Variants in CERS6 observed in about 807,000 individuals in gnomAD.
The protein encoded by CERS6 is ceramide synthase 6, also known as LAG1 homolog, ceramide synthase 6.
A neutral mutation model predicts 56.8 loss-of-function variants in CERS6; 26 were observed. That is an observed-to-expected ratio of 0.46 (90% CI 0.34 to 0.63). The LOEUF is 0.63. CERS6 is among the 30% of genes least tolerant of loss of function. The pLI is 0.01. For synonymous variants in CERS6, 164 were observed against 173.3 expected (o/e 0.95, Z 0.42); for missense variants, 415 against 467.5 (o/e 0.89, Z 1.04).
At chr2:168,698,342 T>C (rs1479172581) in intron 6 of CERS6, among the ~76,000 whole-genome samples, 1 of 150,418 alleles carries the variant, frequency 6.6e-6, no homozygotes, top group Non-Finnish European at 1.5e-5. Context: ...CACGGTTCCA[T>C]AGGCTGTGCA....
intron 1 of CERS6, among the ~76,000 whole-genome samples, chr2:168,529,510 T>C (rs1375647398): frequency 6.6e-6 from 1 of 152,174 alleles, no homozygotes; most frequent in Non-Finnish European, 1.5e-5. Flanking sequence ...TGACCAAATT[T>C]TGTGGGTTTT....
At chr2:168,616,850 A>G (rs1352082652) in intron 3 of CERS6, among the ~76,000 whole-genome samples, 2 of 152,282 alleles carry the variant, frequency 1.3e-5, no homozygotes, top group East Asian at 1.9e-4. Context: ...CAACAAAGAA[A>G]CAATGTATTT....
chr2:168,730,328 G>GA (rs990997368), intron 8 of CERS6, among the ~76,000 whole-genome samples: 5 of 152,186 alleles, frequency 3.3e-5, no homozygotes, highest in Non-Finnish European at 7.4e-5. Context: ...TGTATTTAAA[G>GA]AAAATCACAA....
intron 3 of CERS6, among the ~76,000 whole-genome samples, chr2:168,609,126 G>A (rs1390753962): frequency 6.6e-6 from 1 of 152,176 alleles, no homozygotes; most frequent in Non-Finnish European, 1.5e-5. Flanking sequence ...GCATCAGTAG[G>A]GAGAGGTTAT....
At chr2:168,492,220 A>AT (rs1463332767) in intron 1 of CERS6, among the ~76,000 whole-genome samples, 5 of 152,176 alleles carry the variant, frequency 3.3e-5, no homozygotes, top group African/African-American at 1.2e-4. Flanking sequence ...GGCTGAACTA[A>AT]TTTACATTCC....
At chr2:168,541,935 G>A (rs996795026) in intron 1 of CERS6, among the ~76,000 whole-genome samples, 1 of 152,154 alleles carries the variant, frequency 6.6e-6, no homozygotes, top group Non-Finnish European at 1.5e-5. Flanking sequence ...GCTAGAAAGA[G>A]GATGTGTTTT....
Position 168,630,999 on chromosome 2 carries a change from T to C in CERS6, c.422T>C (p.Phe141Ser). The C allele has an allele frequency of 6.5e-7, 1 of 1,527,760 alleles. No individual in the cohort carries two copies. The highest frequency in any genetic ancestry group is 8.9e-7 in the Non-Finnish European group (1 of 1,119,700). The allele number at this position is 1,527,760 out of a possible 1,614,324, so 94.6% of individuals were successfully genotyped here. Reference sequence around the variant, plus strand: ...ACCTTCTACAGGTGGAGATTTTCATTTTACCTTTATGTATTTACCTACGGA... The same window carrying C: ...ACCTTCTACAGGTGGAGATTTTCATCTTACCTTTATGTATTTACCTACGGA... The part of the protein sequence containing the change: ...RFCESMWRFS[F>S]YLYVFTYGVR... Residue 141 changes from phenylalanine to serine, a missense_variant, in exon 4 of 10, where the codon TTT (phenylalanine) becomes TCT (serine). Transcript: ENST00000305747.
intron 8 of CERS6, among the ~76,000 whole-genome samples, chr2:168,744,569 T>G (rs78784856): frequency 0.082 from 12,501 of 152,092 alleles, 880 homozygotes; most frequent in East Asian, 0.43. Flanking sequence ...GGTCCCTGAA[T>G]TATCTATGAG....
intron 4 of CERS6, among the ~76,000 whole-genome samples, chr2:168,631,631 T>TAATATATATTTAATATTTATATATTAA (rs1684736665): frequency 3.9e-5 from 1 of 25,612 alleles, no homozygotes; most frequent in African/African-American, 1.0e-4. Flanking sequence ...TTATATAATA[T>TAATATATATTTAATATTTATATATTAA]ATAGCATATT....
Position 168,735,721 on chromosome 2 carries a change from T to TA in CERS6, c.845+17754dup, listed in dbSNP as rs796656127. On this transcript the variant is annotated intron_variant, in intron 8 of 9. Transcript: ENST00000305747. ...TGAGGCCCCATCTCTACTAAAAATTTAAAAAAAAAAATCAGCCAGGCGTGA... is the reference window on the plus strand; with the variant it reads ...TGAGGCCCCATCTCTACTAAAAATTTAAAAAAAAAAAATCAGCCAGGCGTGA... 6.1e-3 allele frequency among the ~76,000 whole-genome samples: 907 copies of TA among 148,144 alleles called. 9 individuals are homozygous for TA. The highest frequency in any genetic ancestry group is 0.021 in the African/African-American group (849 of 39,878).
At chr2:168,752,335 A>G (rs1684299310) in intron 8 of CERS6, among the ~76,000 whole-genome samples, 1 of 151,656 alleles carries the variant, frequency 6.6e-6, no homozygotes, top group Non-Finnish European at 1.5e-5. Context: ...AGAGAGAGAG[A>G]GAGGCTAAGT....
chr2:168,484,904 C>T (rs1694248633), intron 1 of CERS6, among the ~76,000 whole-genome samples: 2 of 152,202 alleles, frequency 1.3e-5, no homozygotes, highest in South Asian at 4.1e-4. Flanking sequence ...AATAACGCTT[C>T]ATATTCTCTC....
rs1684901314 is a variant in CERS6 at position 168,772,816 on chromosome 2, C to A, written c.*3154C>A. 6.6e-6 allele frequency: 1 copy of A among 152,598 alleles called. No individual in the cohort carries two copies. The highest frequency in any genetic ancestry group is 1.5e-5 in the Non-Finnish European group (1 of 68,042). 9.5% of individuals were successfully genotyped at this position (152,598 alleles called of 1,614,324 possible). On this transcript the variant is annotated 3_prime_UTR_variant, in exon 10 of 10. Transcript: ENST00000305747. ...GCATCCTACTTCTGCTGGGCTGCAT[C>A]ATTATATAATGCCACAGGCATCTAG...
At chr2:168,547,782 G>T in intron 2 of CERS6, 81 bp downstream of exon 2, 3 of 1,003,234 alleles carry the variant, frequency 3.0e-6, no homozygotes, top group Non-Finnish European at 4.7e-6. Flanking sequence ...TCCCCTTCTG[G>T]GTTTGGAGAA....
chr2:168,479,821 T>A (rs1307921186), intron 1 of CERS6, among the ~76,000 whole-genome samples: 1 of 152,190 alleles, frequency 6.6e-6, no homozygotes, highest in African/African-American at 2.4e-5. Context: ...TTGGTCAGGC[T>A]GGTCTCGAAC....
At chr2:168,521,310 C>CT (rs1266201471) in intron 1 of CERS6, among the ~76,000 whole-genome samples, 2 of 152,088 alleles carry the variant, frequency 1.3e-5, no homozygotes, top group Non-Finnish European at 2.9e-5. Flanking sequence ...AACCAGAGCC[C>CT]TTTTTTTGTT....
chr2:168,517,892 A>AG (rs1299301730), intron 1 of CERS6, among the ~76,000 whole-genome samples: 4 of 152,352 alleles, frequency 2.6e-5, no homozygotes, highest in Non-Finnish European at 1.5e-5. Context: ...GGATATATAC[A>AG]GATGGCACAT....
At chr2:168,747,382 A>G (rs1684139681) in intron 8 of CERS6, among the ~76,000 whole-genome samples, 1 of 152,200 alleles carries the variant, frequency 6.6e-6, no homozygotes, top group South Asian at 2.1e-4. Context: ...TTAATGTATG[A>G]ATAATGTTCT....
intron 4 of CERS6, among the ~76,000 whole-genome samples, chr2:168,681,011 G>T (rs1362108417): frequency 6.6e-6 from 1 of 152,208 alleles, no homozygotes; most frequent in African/African-American, 2.4e-5. Flanking sequence ...TGGAGAGCTT[G>T]TCCATTGCAT....
Sources: gnomAD v4.1 joint callset for allele counts (sites outside exome capture counted in the v4.1 genomes callset) on GRCh38, gnomAD v4.1.1 for gene constraint, MANE v1.5 for transcripts, NCBI Gene and HGNC (gene_info 2026-07-23, HGNC 2026-07-21) for gene names.